The following MYOM2 variants were observed in gnomAD, a reference collection of about 807,000 sequenced individuals.
The protein encoded by MYOM2 is myomesin 2, also known as myomesin-2.
Under a neutral mutation model 187.6 loss-of-function variants are expected in MYOM2, and 254 were observed. The observed-to-expected ratio is 1.35, with a 90% CI of 1.22 to 1.50. The LOEUF (loss-of-function observed/expected upper bound fraction) is 1.50. Ranked by LOEUF, MYOM2 falls within the 40% of genes most tolerant of loss-of-function variation. MYOM2 has a pLI of 0.00. For missense variants in MYOM2, 2,796 were observed against 1,924.0 expected (o/e 1.45, Z -8.48); for synonymous variants, 981 against 753.8 (o/e 1.30, Z -4.94).
intron 8 of MYOM2, among the ~76,000 whole-genome samples, chr8:2,070,301 C>T (rs557108127): frequency 1.7e-3 from 252 of 152,360 alleles, no homozygotes; most frequent in South Asian, 8.9e-3. Context: ...CTCTGGGCCA[C>T]GTGCTGGGAG....
chr8:2,102,926 A>G (rs1796758900), intron 21 of MYOM2, 145 bp downstream of exon 21: 1 of 635,498 alleles, frequency 1.6e-6, no homozygotes, highest in Non-Finnish European at 2.8e-6. Flanking sequence ...GGGTCTGTAG[A>G]TAAATGAATG....
At chr8:2,093,853 A>G in intron 16 of MYOM2, 117 bp from the exon 17 acceptor site, 4 of 1,181,312 alleles carry the variant, frequency 3.4e-6, no homozygotes, top group Admixed American at 2.3e-5. Flanking sequence ...TTGAAAATGA[A>G]GGATGTATGT....
At chr8:2,108,890 A>C (rs1314490183) in intron 24 of MYOM2, 60 bp downstream of exon 24, 1 of 1,525,730 alleles carries the variant, frequency 6.6e-7, no homozygotes, top group Non-Finnish European at 9.1e-7. Context: ...GGCCGTGTTC[A>C]TTAATGCATG....
chr8:2,071,571 G>T (rs1442001548), intron 8 of MYOM2, among the ~76,000 whole-genome samples: 2 of 152,110 alleles, frequency 1.3e-5, no homozygotes, highest in Non-Finnish European at 2.9e-5. Flanking sequence ...CCACAGTCTG[G>T]GGCTGAGGTT....
rs1463120797 is a variant in MYOM2, at chr8:2,142,010, C to T, written c.4002-365C>T. Among the ~76,000 whole-genome samples the T allele has an allele frequency of 2.0e-5, 3 of 149,996 alleles. No individual in the cohort carries two copies. The South Asian group carries it at 6.3e-4, about 31-fold the overall frequency. On this transcript the variant is annotated intron_variant, in intron 34 of 36. Coordinates refer to ENST00000262113, the MANE Select transcript of MYOM2 (RefSeq NM_003970.4). ...TTTGTTGACTGGGTGCAGGGATGAGCAAGATAGATCAGAAACTGACAAATT... is the reference window on the plus strand; with the variant it reads ...TTTGTTGACTGGGTGCAGGGATGAGTAAGATAGATCAGAAACTGACAAATT...
intron 1 of MYOM2, among the ~76,000 whole-genome samples, chr8:2,049,491 C>G (rs1208820216): frequency 6.6e-6 from 1 of 152,014 alleles, no homozygotes; most frequent in African/African-American, 2.4e-5. Flanking sequence ...TAGCACGTAC[C>G]CTGGAGATCT....
chr8:2,079,698 C>A, intron 13 of MYOM2, 85 bp downstream of exon 13: 2 of 1,399,170 alleles, frequency 1.4e-6, no homozygotes, highest in Non-Finnish European at 2.0e-6. Context: ...ACAGAGAACG[C>A]CCCCTACTGG....
At chr8:2,088,260 G>C (rs944910474) in intron 14 of MYOM2, among the ~76,000 whole-genome samples, 10 of 152,114 alleles carry the variant, frequency 6.6e-5, no homozygotes, top group African/African-American at 2.4e-4. Flanking sequence ...TGCCTTTGCA[G>C]CAAACACACA....
chr8:2,111,739 T>C (rs373874878), intron 25 of MYOM2, among the ~76,000 whole-genome samples: 2 of 152,328 alleles, frequency 1.3e-5, no homozygotes, highest in East Asian at 3.9e-4. Context: ...TTCCTGCAGT[T>C]GAGCCATTTC....
At chr8:2,078,279 C>T (rs993970175) in intron 11 of MYOM2, among the ~76,000 whole-genome samples, 1 of 152,174 alleles carries the variant, frequency 6.6e-6, no homozygotes. Context: ...CCCTTGGTCT[C>T]ACAGAGTGGG....
chr8:2,117,983 T>A, intron 28 of MYOM2, 31 bp downstream of exon 28: 1 of 1,594,042 alleles, frequency 6.3e-7, no homozygotes, highest in South Asian at 1.1e-5. Flanking sequence ...AGGAAAACAA[T>A]AAATCTCATT....
Position 2,106,409 on chromosome 8 carries a change from C to A in MYOM2, c.2891+11C>A, listed in dbSNP as rs1796893941. 6.2e-7 allele frequency: 1 copy of A among 1,612,916 alleles called. No homozygotes were observed. The highest frequency in any genetic ancestry group is 8.5e-7 in the Non-Finnish European group (1 of 1,179,012). ...AACCGTGGGGGATCAGTAAGTGAGG[C>A]CTGGAAGTTGGATACTGGAAACTTT... On this transcript the variant is annotated intron_variant, in intron 22 of 36. Transcript: ENST00000262113.
chr8:2,129,209 A>C lies in MYOM2; in HGVS notation c.3777A>C (p.Glu1259Asp). Reference protein sequence around the residue: ...LQCFMKYFTDEMKVNWCHKDA... With the variant: ...LQCFMKYFTDDMKVNWCHKDA... ...GTTTCATGAAGTATTTTACAGACGA[A>C]ATGAAAGTGAACTGGTGTCACAAGT... Residue 1259 changes from glutamate to aspartate, a missense_variant, in exon 32 of 37, where the codon GAA becomes GAC. Coordinates refer to ENST00000262113, the MANE Select transcript of MYOM2 (RefSeq NM_003970.4). 1 of 1,610,656 alleles carries C rather than the reference A, an allele frequency of 6.2e-7. No homozygotes were observed. The highest frequency in any genetic ancestry group is 8.5e-7 in the Non-Finnish European group (1 of 1,176,966).
intron 14 of MYOM2, 43 bp downstream of exon 14, chr8:2,085,433 G>C (rs1300857602): frequency 6.2e-7 from 1 of 1,604,342 alleles, no homozygotes; most frequent in African/African-American, 1.3e-5. Flanking sequence ...ATCTCTGCAT[G>C]GCCCCCCACT....
intron 3 of MYOM2, 73 bp downstream of exon 3, chr8:2,052,386 G>T: frequency 2.1e-6 from 3 of 1,460,074 alleles, no homozygotes; most frequent in East Asian, 2.5e-5. Flanking sequence ...GGGGTGAGGA[G>T]GGAAGAGCGA....
chr8:2,086,483 C>G (rs1796072827), intron 14 of MYOM2, among the ~76,000 whole-genome samples: 1 of 146,954 alleles, frequency 6.8e-6, no homozygotes, highest in Non-Finnish European at 1.5e-5. Context: ...CTGTCATGAT[C>G]TCTGTGTGGC....
intron 6 of MYOM2, among the ~76,000 whole-genome samples, chr8:2,062,667 G>A (rs1370438958): frequency 6.6e-5 from 10 of 152,064 alleles, no homozygotes; most frequent in African/African-American, 7.2e-5. Context: ...TTAATAGACC[G>A]TAGGCCGTCA....
chr8:2,106,376 A>C lies in MYOM2; in HGVS notation c.2869A>C (p.Lys957Gln), dbSNP rs773849428. 5.6e-6 allele frequency: 9 copies of C among 1,614,012 alleles called. No individual in the cohort carries two copies. In the Admixed American group the frequency reaches 1.5e-4, roughly 27 times the overall value. ...GGAGATTTCAGATGATGAGAGGTTT[A>C]AAATTGAAACCGTGGGGGATCAGTA... ...YEEISDDERF[K>Q]IETVGDHSKL... Residue 957 changes from lysine to glutamine, a missense_variant, in exon 22 of 37, where the codon AAA (lysine) becomes CAA (glutamine). By Grantham distance (53) the Lys-to-Gln change is moderately conservative. Coordinates refer to ENST00000262113, the MANE Select transcript of MYOM2 (RefSeq NM_003970.4).
intron 32 of MYOM2, among the ~76,000 whole-genome samples, chr8:2,134,697 T>G (rs1798006482): frequency 6.6e-6 from 1 of 152,236 alleles, no homozygotes; most frequent in African/African-American, 2.4e-5. Context: ...CTTTGTTCTG[T>G]GAGCTGTTAC....
Sources: gnomAD v4.1 joint callset for allele counts (sites outside exome capture counted in the v4.1 genomes callset) on GRCh38, gnomAD v4.1.1 for gene constraint, MANE v1.5 for transcripts, NCBI Gene and HGNC (gene_info 2026-07-23, HGNC 2026-07-21) for gene names.